The following CMIP variants were observed in gnomAD, a reference collection of about 807,000 sequenced individuals.
CMIP encodes c-Maf inducing protein.
Under a neutral mutation model 97.3 loss-of-function variants are expected in CMIP, and 13 were observed. The observed-to-expected ratio is 0.13, with a 90% CI of 0.09 to 0.21. The LOEUF (loss-of-function observed/expected upper bound fraction) is 0.21, where lower values mean the gene tolerates loss of function less well. Ranked by LOEUF, CMIP falls within the 10% of genes least tolerant of loss-of-function variation. The pLI, the probability that CMIP is intolerant of heterozygous loss-of-function variation, is 1.00. For synonymous variants in CMIP, 538 were observed against 436.3 expected, an observed-to-expected ratio of 1.23 and a Z score of -2.91; for missense variants, 847 against 1,024.9, an observed-to-expected ratio of 0.83 and a Z score of 2.37.
At chr16:81,674,410 C>T (rs1273363504) in intron 9 of CMIP, among the ~76,000 whole-genome samples, 1 of 152,146 alleles carries the variant, frequency 6.6e-6, no homozygotes, top group Non-Finnish European at 1.5e-5. Flanking sequence ...GGATTACAGG[C>T]GTGAGCCACC....
intron 1 of CMIP, among the ~76,000 whole-genome samples, chr16:81,590,935 A>G (rs1039257498): frequency 2.2e-4 from 34 of 152,192 alleles, no homozygotes; most frequent in Admixed American, 1.0e-3. Context: ...CTTTGTAAAT[A>G]AAGTTTTATT....
At chr16:81,667,763 A>G (rs1361143014) in intron 7 of CMIP, among the ~76,000 whole-genome samples, 86 of 91,520 alleles carry the variant, frequency 9.4e-4, no homozygotes, top group African/African-American at 3.4e-3. Context: ...AGGGAGGGAG[A>G]GAAAGAGAGA....
intron 9 of CMIP, among the ~76,000 whole-genome samples, chr16:81,677,867 A>G (rs991851506): frequency 2.0e-5 from 3 of 152,238 alleles, no homozygotes; most frequent in African/African-American, 7.2e-5. Flanking sequence ...AGACTGCAGG[A>G]AGCTACTAAA....
At chr16:81,692,977 CAAA>C (rs1235793367) in intron 11 of CMIP, among the ~76,000 whole-genome samples, 178 bp from the exon 12 acceptor site, 1 of 152,184 alleles carries the variant, frequency 6.6e-6, no homozygotes, top group East Asian at 1.9e-4. Flanking sequence ...GCCGCCTCCT[CAAA>C]GAAGGCCTTT....
At chr16:81,704,689 C>T (rs569604105) in intron 18 of CMIP, among the ~76,000 whole-genome samples, 6 of 99,260 alleles carry the variant, frequency 6.0e-5, no homozygotes, top group Non-Finnish European at 1.0e-4. Context: ...TCATCCTCCT[C>T]CCTGCCCCCG....
At chr16:81,582,309 ATT>A (rs199901578) in intron 1 of CMIP, among the ~76,000 whole-genome samples, 1 of 151,720 alleles carries the variant, frequency 6.6e-6, no homozygotes, top group Non-Finnish European at 1.5e-5. Flanking sequence ...TCCTTGGAAT[ATT>A]TTTTTTGCCA....
At chr16:81,705,378 G>A (rs1597279556) in intron 18 of CMIP, 121 bp from the exon 19 acceptor site, 3 of 673,990 alleles carry the variant, frequency 4.5e-6, no homozygotes, top group South Asian at 3.9e-5. Context: ...CCAGGGCTTG[G>A]TGGGCCATGG....
chr16:81,696,628 G>T lies in CMIP; in HGVS notation c.1599G>T (p.Gly533=). The change falls in exon 14 of 21, where the codon GGG becomes GGT. Residue 533 remains glycine (G), a synonymous_variant. Transcript: ENST00000537098. ...DGWFQLYSPG[G]VACDDDGELF... ...GGTTCCAGCTCTACAGCCCCGGAGG[G>T]GTGGCCTGCGACGATGACGGGGAGC... The T allele has an allele frequency of 6.2e-7, 1 of 1,607,320 alleles. No homozygotes were observed. Among genetic ancestry groups the T allele is most frequent in the Non-Finnish European group, 8.5e-7 (1 of 1,179,834 alleles).
rs2092468370 is a variant in CMIP at position 81,655,131 on chromosome 16, G to A, written c.640-2644G>A. Among the ~76,000 whole-genome samples, 1 of 152,184 alleles carries A rather than the reference G, an allele frequency of 6.6e-6. No individual in the cohort carries two copies. Among genetic ancestry groups the A allele is most frequent in the African/African-American group, 2.4e-5 (1 of 41,438 alleles). ...TTTCATTGTCATAGGAGATGTCTGT[G>A]GTCTGAACCCCGTAAGCACCTTCAG... is the stretch of plus-strand genomic sequence containing the variant. On this transcript the variant is annotated intron_variant, in intron 4 of 20. Coordinates refer to ENST00000537098, the MANE Select transcript of CMIP (RefSeq NM_198390.3). This position sits in a 1 kb window ranked among gnomAD's most constrained non-coding sequence, Gnocchi z 4.9.
intron 1 of CMIP, among the ~76,000 whole-genome samples, chr16:81,550,141 G>A (rs1482167502): frequency 2.6e-5 from 4 of 152,014 alleles, no homozygotes; most frequent in Non-Finnish European, 5.9e-5. Flanking sequence ...CCATGCCCTC[G>A]GTAGCACTCC....
At chr16:81,681,791 T>C (rs1266342381) in intron 10 of CMIP, among the ~76,000 whole-genome samples, 1 of 152,166 alleles carries the variant, frequency 6.6e-6, no homozygotes, top group Admixed American at 6.5e-5. Context: ...CCAGTGTTCT[T>C]GGCTCCTCTG....
chr16:81,545,795 C>T (rs995149675), intron 1 of CMIP, among the ~76,000 whole-genome samples: 4 of 152,212 alleles, frequency 2.6e-5, no homozygotes, highest in Non-Finnish European at 4.4e-5. Context: ...CCGGCCCTCC[C>T]GTGGGCCCCA....
At chr16:81,591,259 G>C (rs2091462887) in intron 1 of CMIP, among the ~76,000 whole-genome samples, 1 of 152,170 alleles carries the variant, frequency 6.6e-6, no homozygotes, top group African/African-American at 2.4e-5. Context: ...TTGAGCAGTT[G>C]ACCCAGTATC....
rs190025588 is a variant in CMIP, at chr16:81,499,086, C to T, written c.300+53545C>T. On this transcript the variant is annotated intron_variant, in intron 1 of 20. Coordinates refer to ENST00000537098, the MANE Select transcript of CMIP (RefSeq NM_198390.3). ...AAACTGAGGTGTAGAGCAGTTAGAT[C>T]GGTGTAGAGAAGCTAGATCGTGTGC... Among the ~76,000 whole-genome samples the T allele has an allele frequency of 9.9e-5, 15 of 152,238 alleles. No homozygotes were observed. In the East Asian group the frequency reaches 1.2e-3, roughly 12 times the overall value.
At chr16:81,484,515 C>T (rs2089285103) in intron 1 of CMIP, among the ~76,000 whole-genome samples, 1 of 152,164 alleles carries the variant, frequency 6.6e-6, no homozygotes, top group African/African-American at 2.4e-5. Context: ...AACCAACCTC[C>T]CCGCCCAGTA....
intron 16 of CMIP, 133 bp downstream of exon 16, chr16:81,701,933 T>A: frequency 9.2e-7 from 1 of 1,082,828 alleles, no homozygotes; most frequent in Admixed American, 2.2e-5. Flanking sequence ...ACCCCAGAAA[T>A]TGGTATTACC....
chr16:81,525,334 G>A (rs933681810), intron 1 of CMIP, among the ~76,000 whole-genome samples: 34 of 151,294 alleles, frequency 2.2e-4, no homozygotes, highest in African/African-American at 7.8e-4. Flanking sequence ...GTAGAGACAG[G>A]GTTTCACCAT....
At chr16:81,497,537 C>T (rs1431189060) in intron 1 of CMIP, among the ~76,000 whole-genome samples, 1 of 152,206 alleles carries the variant, frequency 6.6e-6, no homozygotes, top group African/African-American at 2.4e-5. Flanking sequence ...TAGTTTGAGC[C>T]CTACGGGGCC....
At chr16:81,590,827 CCA>C (rs1411568526) in intron 1 of CMIP, among the ~76,000 whole-genome samples, 2 of 68,268 alleles carry the variant, frequency 2.9e-5, no homozygotes, top group African/African-American at 3.5e-4. Context: ...TTTCTCTCAT[CCA>C]TCCATCCATC....
Sources: gnomAD v4.1 joint callset for allele counts (sites outside exome capture counted in the v4.1 genomes callset) on GRCh38, gnomAD v4.1.1 for gene constraint, Gnocchi (gnomAD v3.1) non-coding constraint, MANE v1.5 for transcripts, NCBI Gene and HGNC (gene_info 2026-07-23, HGNC 2026-07-21) for gene names.